PCDHA1: variants seen among roughly 807,000 people sequenced by gnomAD.
The protein encoded by PCDHA1 is protocadherin alpha 1.
PCDHA1 carries 42 observed loss-of-function variants against 61.3 expected under a neutral mutation model. That is an observed-to-expected ratio of 0.69 (90% CI 0.54 to 0.89). PCDHA1 has a LOEUF of 0.89. Ranked by LOEUF, PCDHA1 falls within the 40% of genes least tolerant of loss-of-function variation. PCDHA1 has a pLI of 0.00. For missense variants in PCDHA1, 1,256 were observed against 1,235.3 expected, an observed-to-expected ratio of 1.02 and a Z score of -0.25; for synonymous variants, 610 against 553.8, an observed-to-expected ratio of 1.10 and a Z score of -1.43.
chr5:140,926,679 C>T (rs1348629347), intron 1 of PCDHA1: 26 of 638,064 alleles, frequency 4.1e-5, no homozygotes, highest in Middle Eastern at 4.4e-4. Context: ...GCCCAGCCTC[C>T]AGCCTAGCAA....
chr5:140,871,071 G>C (rs1554165077), intron 1 of PCDHA1: 2 of 1,613,188 alleles, frequency 1.2e-6, no homozygotes, highest in East Asian at 2.2e-5. Context: ...ACGGTGAGCC[G>C]GCGCTGACGG....
chr5:140,788,025 G>C lies in PCDHA1; in HGVS notation c.1735G>C (p.Glu579Gln). The C allele has an allele frequency of 1.2e-6, 2 of 1,614,016 alleles. No individual in the cohort carries two copies. The highest frequency in any genetic ancestry group is 1.7e-6 in the Non-Finnish European group (2 of 1,179,898). The part of the protein sequence containing the change: ...RVGGTIGAVS[E>Q]LVPRLVGAGH... ...GGGTGGCACTATTGGTGCAGTCAGT[G>C]AGCTGGTGCCGCGATTGGTGGGTGC... The change falls in exon 1 of 4, where the codon GAG becomes CAG. Residue 579 changes from glutamate to glutamine, a missense_variant. Coordinates refer to ENST00000504120, the MANE Select transcript of PCDHA1 (RefSeq NM_018900.4).
At chr5:140,796,057 C>T (rs945777469) in intron 1 of PCDHA1, 2 of 1,614,220 alleles carry the variant, frequency 1.2e-6, no homozygotes, top group African/African-American at 1.3e-5. Context: ...GAACGCTTCC[C>T]TGGGCACTGT....
At chr5:140,871,219 G>A in intron 1 of PCDHA1, 1 of 1,613,872 alleles carries the variant, frequency 6.2e-7, no homozygotes, top group African/African-American at 1.3e-5. Flanking sequence ...CATCTGCGTG[G>A]TGTCCAGCCT....
At chr5:140,858,241 G>T in intron 1 of PCDHA1, 1 of 1,596,686 alleles carries the variant, frequency 6.3e-7, no homozygotes, top group Non-Finnish European at 8.6e-7. Context: ...GCGCATGTGG[G>T]CCGGTGAAGC....
chr5:140,953,279 A>T (rs2153698724), intron 1 of PCDHA1, among the ~76,000 whole-genome samples: 1 of 152,188 alleles, frequency 6.6e-6, no homozygotes, highest in Non-Finnish European at 1.5e-5. Context: ...TTTGCTCTTT[A>T]TATGTGATTC....
chr5:140,795,291 C>T, intron 1 of PCDHA1: 2 of 1,614,210 alleles, frequency 1.2e-6, no homozygotes, highest in Non-Finnish European at 1.7e-6. Flanking sequence ...TGGAGGTGAT[C>T]GTGGACAGGC....
chr5:140,939,807 C>G (rs927084385), intron 1 of PCDHA1, among the ~76,000 whole-genome samples: 1 of 152,088 alleles, frequency 6.6e-6, no homozygotes, highest in African/African-American at 2.4e-5. Context: ...TCTGCATGTT[C>G]AAGAAAAAGC....
At chr5:140,802,342 A>G in intron 1 of PCDHA1, 3 of 1,614,260 alleles carry the variant, frequency 1.9e-6, no homozygotes, top group Non-Finnish European at 2.5e-6. Flanking sequence ...TCAGGAGTCA[A>G]TGGACAGGTC....
In PCDHA1 at chr5:141,010,490, A is replaced by C; in HGVS notation, c.*553A>C. 1.6e-6 allele frequency: 1 copy of C among 640,034 alleles called. No individual in the cohort carries two copies. The highest frequency in any genetic ancestry group is 2.4e-6 in the Non-Finnish European group (1 of 411,150). The allele number at this position is 640,034 out of a possible 1,614,324, so 39.6% of individuals were successfully genotyped here. On this transcript the variant is annotated 3_prime_UTR_variant, in exon 4 of 4. Coordinates refer to ENST00000504120, the MANE Select transcript of PCDHA1 (RefSeq NM_018900.4). ...GGAGGGGAAGTGTAAACTTAAAGGG[A>C]CCAGACTTTCTAAATCTTACAACTC...
intron 1 of PCDHA1, chr5:140,814,941 C>G (rs1405331671): frequency 6.6e-6 from 1 of 152,054 alleles, no homozygotes; most frequent in Non-Finnish European, 1.5e-5. Flanking sequence ...TATATAATGT[C>G]CTTCTTTGTC....
intron 1 of PCDHA1, chr5:140,807,237 T>A (rs781879266): frequency 1.9e-6 from 3 of 1,614,194 alleles, no homozygotes; most frequent in Non-Finnish European, 2.5e-6. Flanking sequence ...CTGCTGCTCT[T>A]ACTTCTTCTC....
chr5:140,794,206 C>T (rs1761840437), intron 1 of PCDHA1, among the ~76,000 whole-genome samples: 1 of 152,172 alleles, frequency 6.6e-6, no homozygotes, highest in Admixed American at 6.5e-5. Flanking sequence ...GAAGTCCTGT[C>T]ACATGTTACA....
chr5:140,846,669 C>T (rs894601442), intron 1 of PCDHA1, among the ~76,000 whole-genome samples: 2 of 149,244 alleles, frequency 1.3e-5, no homozygotes, highest in Non-Finnish European at 3.0e-5. Flanking sequence ...CCACCGCGCC[C>T]AGCCTAAAAT....
chr5:140,982,701 T>C, intron 3 of PCDHA1, 138 bp downstream of exon 3: 1 of 1,383,086 alleles, frequency 7.2e-7, no homozygotes, highest in South Asian at 1.6e-5. Flanking sequence ...CATACATGAT[T>C]TCCTTACATA....
chr5:140,835,892 G>T (rs1774026937), intron 1 of PCDHA1: 1 of 1,612,006 alleles, frequency 6.2e-7, no homozygotes, highest in Non-Finnish European at 8.5e-7. Context: ...GCGAGCGCGC[G>T]CTGTCGAGCT....
chr5:140,994,156 C>T (rs926993777), intron 3 of PCDHA1, among the ~76,000 whole-genome samples: 25 of 152,124 alleles, frequency 1.6e-4, no homozygotes, highest in African/African-American at 4.1e-4. Context: ...GTAGGGTCAA[C>T]GAAGGGGAAG....
chr5:140,976,927 G>A (rs1322531610), intron 1 of PCDHA1, among the ~76,000 whole-genome samples: 2 of 152,184 alleles, frequency 1.3e-5, no homozygotes, highest in Admixed American at 1.3e-4. Context: ...CTAGTACTGT[G>A]TAGCTACTTA....
At chr5:140,922,254 T>G (rs2080741873) in intron 1 of PCDHA1, among the ~76,000 whole-genome samples, 1 of 152,228 alleles carries the variant, frequency 6.6e-6, no homozygotes, top group East Asian at 1.9e-4. Context: ...GATAAGTTAC[T>G]AAGTGCCATG....
Sources: gnomAD v4.1 joint callset for allele counts (sites outside exome capture counted in the v4.1 genomes callset) on GRCh38, gnomAD v4.1.1 for gene constraint, MANE v1.5 for transcripts, NCBI Gene and HGNC (gene_info 2026-07-23, HGNC 2026-07-21) for gene names.